Variants in PHF8 observed in about 807,000 individuals in gnomAD.
PHF8 encodes the protein histone lysine demethylase PHF8.
Under a neutral mutation model 74.4 loss-of-function variants are expected in PHF8, and 9 were observed. That is an observed-to-expected ratio of 0.12 (90% CI 0.07 to 0.21). PHF8 has a LOEUF of 0.21. Among genes scored for constraint, PHF8 ranks in the 10% least tolerant of loss-of-function variants. The pLI, the probability that PHF8 is intolerant of heterozygous loss-of-function variation, is 1.00. For synonymous variants in PHF8, 311 were observed against 316.6 expected, an observed-to-expected ratio of 0.98 and a Z score of 0.19; for missense variants, 478 against 816.6, an observed-to-expected ratio of 0.59 and a Z score of 5.05.
chrX:54,041,682 CCT>C (rs2066558611), intron 2 of PHF8, among the ~76,000 whole-genome samples: 1 of 112,558 alleles, frequency 8.9e-6, no homozygotes, highest in Non-Finnish European at 1.9e-5. Flanking sequence ...TGGTTTTACT[CCT>C]GTTTTACCCA....
At chrX:53,983,263 C>A (rs939746499) in intron 18 of PHF8, among the ~76,000 whole-genome samples, 3 of 109,736 alleles carry the variant, frequency 2.7e-5, no homozygotes, top group Non-Finnish European at 3.8e-5. Context: ...TAAACACAAA[C>A]CTAAAAGGAA....
At position 54,015,493 on chromosome X, in the gene PHF8, G is replaced by T. The variant is rs782753373; in HGVS notation, c.597-930C>A. ...CGGGAGGCTGAGGCAGGAGAATGGC[G>T]TGAACCAGGGAGGCGGAGCTTGCAG... On this transcript the variant is annotated intron_variant, in intron 6 of 21. Coordinates refer to ENST00000338154, the MANE Select transcript of PHF8 (RefSeq NM_015107.3). Among the ~76,000 whole-genome samples, 13 of 103,961 alleles carry T rather than the reference G, an allele frequency of 1.3e-4. No homozygotes were observed. In the East Asian group the frequency reaches 4.0e-3, roughly 32 times the overall value. The allele number at this position is 103,961 out of a possible 115,157, so 90.3% of individuals were successfully genotyped here. A position where few individuals can be genotyped will look rare whatever the true frequency, so the allele number is the denominator to read the frequency against.
In PHF8 at chrX:54,022,240, T is replaced by G. The variant is rs1312567042; in HGVS notation, c.293+19A>C. The G allele has an allele frequency of 3.0e-6, 3 of 991,039 alleles. No homozygotes were observed. The African/African-American group carries it at 5.7e-5, about 19-fold the overall frequency. The allele number at this position is 991,039 out of a possible 1,213,427, so 81.7% of individuals were successfully genotyped here. A position where few individuals can be genotyped will look rare whatever the true frequency, so the allele number is the denominator to read the frequency against. ...CAGAGCCCTGGCATTCACCAGCCAC[T>G]GGAGGCAGGGTTCCTCACCTGTCAA... On this transcript the variant is annotated intron_variant, in intron 4 of 21. Transcript: ENST00000338154.
At chrX:53,992,474 A>G (rs2065681561) in intron 14 of PHF8, among the ~76,000 whole-genome samples, 1 of 112,035 alleles carries the variant, frequency 8.9e-6, no homozygotes, top group African/African-American at 3.2e-5. Context: ...TTCTCTCCCA[A>G]TGACTTGCTG....
chrX:54,017,569 A>T, intron 5 of PHF8, 92 bp downstream of exon 5: 1 of 794,531 alleles, frequency 1.3e-6, no homozygotes, highest in African/African-American at 2.0e-5. Context: ...AGATGGTTAC[A>T]GAGGAAATGC....
chrX:53,943,009 A>C, intron 20 of PHF8: 7 of 771,360 alleles, frequency 9.1e-6, no homozygotes, highest in Middle Eastern at 7.1e-4. Context: ...CCCCTACCAG[A>C]AGCTTAGCTT....
chrX:54,001,097 G>A (rs1353712437), intron 10 of PHF8, among the ~76,000 whole-genome samples: 2 of 111,941 alleles, frequency 1.8e-5, no homozygotes, highest in African/African-American at 3.2e-5. Flanking sequence ...GGAGACTGAG[G>A]CGGGCGGATC....
intron 14 of PHF8, among the ~76,000 whole-genome samples, chrX:53,991,951 G>A (rs9698116): frequency 0.012 from 1,292 of 111,697 alleles, 20 homozygotes; most frequent in African/African-American, 0.038. Flanking sequence ...AGGTAACAGG[G>A]AAAGAGAGAT....
chrX:53,942,817 A>C, intron 20 of PHF8: 2 of 749,687 alleles, frequency 2.7e-6, no homozygotes, highest in Non-Finnish European at 3.1e-6. Flanking sequence ...CAAAAGCATG[A>C]GACAATCTGA....
chrX:53,945,356 A>T (rs1256621831), intron 19 of PHF8, among the ~76,000 whole-genome samples: 2 of 105,626 alleles, frequency 1.9e-5, no homozygotes, highest in Non-Finnish European at 3.9e-5. Context: ...AAAAAAAAAA[A>T]AAAATTATCC....
chrX:54,006,325 T>TA (rs1557105302), intron 8 of PHF8, among the ~76,000 whole-genome samples: 1 of 109,891 alleles, frequency 9.1e-6, no homozygotes. Context: ...CCACTAAAAC[T>TA]AAAAAAATCA....
chrX:53,975,297 T>C (rs782683070), intron 18 of PHF8, among the ~76,000 whole-genome samples: 3 of 112,097 alleles, frequency 2.7e-5, no homozygotes, highest in East Asian at 2.8e-4. Flanking sequence ...ACAACTATCA[T>C]AGAAAACAGT....
At chrX:54,015,597 A>AAG (rs1374745783) in intron 6 of PHF8, among the ~76,000 whole-genome samples, 1 of 104,900 alleles carries the variant, frequency 9.5e-6, no homozygotes, top group African/African-American at 3.5e-5. Flanking sequence ...AAAAAAAAAA[A>AAG]CACAACAGCA....
intron 6 of PHF8, among the ~76,000 whole-genome samples, chrX:54,015,879 T>C (rs968668824): frequency 9.0e-6 from 1 of 110,927 alleles, no homozygotes; most frequent in Admixed American, 9.7e-5. Flanking sequence ...TAAAGGTAAA[T>C]AGGTTTCTCT....
intron 19 of PHF8, among the ~76,000 whole-genome samples, chrX:53,958,558 G>A (rs1364404637): frequency 9.6e-6 from 1 of 103,792 alleles, no homozygotes; most frequent in African/African-American, 3.5e-5. Context: ...GAGGCGGGCG[G>A]ATCACGAGGT....
At chrX:53,979,653 A>G (rs1449448134) in intron 18 of PHF8, among the ~76,000 whole-genome samples, 2 of 112,259 alleles carry the variant, frequency 1.8e-5, no homozygotes, top group African/African-American at 3.2e-5. Flanking sequence ...AAAATTAGTA[A>G]TTTTATTAAT....
intron 8 of PHF8, among the ~76,000 whole-genome samples, chrX:54,006,746 G>GC (rs1557105427): frequency 9.1e-6 from 1 of 110,097 alleles, no homozygotes; most frequent in African/African-American, 3.3e-5. Flanking sequence ...GACCAGCTGA[G>GC]CCAACATGGT....
chrX:54,030,428 T>C (rs1223044217), intron 2 of PHF8, among the ~76,000 whole-genome samples: 2 of 111,727 alleles, frequency 1.8e-5, no homozygotes, highest in Admixed American at 9.6e-5. Flanking sequence ...AGATGAGTTA[T>C]CCCCATGGTA....
At chrX:54,043,170 T>C (rs1157324056) in intron 1 of PHF8, 5 of 775,464 alleles carry the variant, frequency 6.4e-6, no homozygotes, top group African/African-American at 2.2e-5. Flanking sequence ...AGCTGACCCC[T>C]GTTTCACAGG....
Sources: allele counts gnomAD v4.1 joint callset (sites outside exome capture counted in the v4.1 genomes callset), GRCh38; gene constraint gnomAD v4.1.1; transcripts MANE v1.5; gene names NCBI Gene and HGNC (gene_info 2026-07-23, HGNC 2026-07-21).